AGO4: variants seen among roughly 807,000 people sequenced by gnomAD.
The protein encoded by AGO4 is protein argonaute-4.
A neutral mutation model predicts 104.7 loss-of-function variants in AGO4; 33 were observed. The observed-to-expected ratio is 0.32, with a 90% CI of 0.24 to 0.42. The LOEUF is 0.42. AGO4 is among the 10% of genes least tolerant of loss of function. The pLI is 1.00. For missense variants in AGO4, 711 were observed against 1,083.4 expected, an observed-to-expected ratio of 0.66 and a Z score of 4.83; for synonymous variants, 331 against 364.7, an observed-to-expected ratio of 0.91 and a Z score of 1.05.
rs1571306925 is a variant in AGO4 at position 35,845,220 on chromosome 1, A to G, written c.2175+3470A>G. ...ACTTTTTTTTTTTTTTTTGAAATGG[A>G]GTTTCTGTAATCAGGCTTTTTTTTT... On this transcript the variant is annotated intron_variant, in intron 15 of 17. Coordinates refer to ENST00000373210, the MANE Select transcript of AGO4 (RefSeq NM_017629.4). Among the ~76,000 whole-genome samples the G allele has an allele frequency of 3.2e-4, 18 of 56,090 alleles. 1 individual carries two copies. Among genetic ancestry groups the G allele is most frequent in the Non-Finnish European group, 5.1e-4 (15 of 29,476 alleles). 36.8% of individuals were successfully genotyped at this position (56,090 alleles called of 152,430 possible). A position where few individuals can be genotyped will look rare whatever the true frequency, so the allele number is the denominator to read the frequency against.
In AGO4 at chr1:35,837,986, G is replaced by A. The variant is rs1483217475; in HGVS notation, c.1724+1993G>A. ...CAGCCTCAATCTCCCCAGCTCAAGC[G>A]ATTCTCCCGCTTTAGTCTCCTGAGT... On this transcript the variant is annotated intron_variant, in intron 13 of 17. Transcript: ENST00000373210. 4.6e-5 allele frequency among the ~76,000 whole-genome samples: 7 copies of A among 151,570 alleles called. No individual in the cohort carries two copies. In the South Asian group the frequency reaches 1.0e-3, roughly 23 times the overall value.
chr1:35,820,219 G>C (rs1643863798), intron 2 of AGO4, among the ~76,000 whole-genome samples: 2 of 152,138 alleles, frequency 1.3e-5, no homozygotes, highest in African/African-American at 4.8e-5. Flanking sequence ...TAGAGAAAAA[G>C]CCTTACTTGA....
Position 35,844,323 on chromosome 1 carries a change from C to T in AGO4, c.2175+2573C>T, listed in dbSNP as rs561193951. 3.9e-5 allele frequency among the ~76,000 whole-genome samples: 6 copies of T among 152,238 alleles called. No homozygotes were observed. In the East Asian group the frequency reaches 5.8e-4, roughly 15 times the overall value. ...CCTCTCAAAGTTCTAGGATTACAGG[C>T]GTGAGCCACCACACCTGTCCAAAAG... On this transcript the variant is annotated intron_variant, in intron 15 of 17. Transcript: ENST00000373210.
chr1:35,821,009 C>T (rs537727686), intron 2 of AGO4, among the ~76,000 whole-genome samples: 5 of 152,250 alleles, frequency 3.3e-5, no homozygotes, highest in African/African-American at 1.2e-4. Context: ...TGCAGTTCTG[C>T]CACTTAATCA....
Position 35,841,963 on chromosome 1 carries a change from T to C in AGO4, c.2175+213T>C, listed in dbSNP as rs1187760176. 6.6e-6 allele frequency among the ~76,000 whole-genome samples: 1 copy of C among 152,060 alleles called. No individual in the cohort carries two copies. The highest frequency in any genetic ancestry group is 2.4e-5 in the African/African-American group (1 of 41,398). On this transcript the variant is annotated intron_variant, in intron 15 of 17. Coordinates refer to ENST00000373210, the MANE Select transcript of AGO4 (RefSeq NM_017629.4). This position sits in a 1 kb window ranked among gnomAD's most constrained non-coding sequence, Gnocchi z 4.7. The stretch of plus-strand genomic sequence containing the variant: ...GAGACTGAATATTTTATTTCTCTTG[T>C]ATAACAGAAATGCTGATTTCTCGAG...
intron 15 of AGO4, among the ~76,000 whole-genome samples, chr1:35,844,774 A>G (rs1360043595): frequency 6.6e-6 from 1 of 152,150 alleles, no homozygotes; most frequent in African/African-American, 2.4e-5. Flanking sequence ...TTCTCGCCCT[A>G]TAAAGGTGGT....
chr1:35,838,782 T>C (rs1644373355), intron 13 of AGO4, among the ~76,000 whole-genome samples: 1 of 152,198 alleles, frequency 6.6e-6, no homozygotes, highest in Non-Finnish European at 1.5e-5. Context: ...CCTTGTTAAC[T>C]TGAAAGTGTT....
intron 7 of AGO4, among the ~76,000 whole-genome samples, chr1:35,827,381 C>T (rs1644050221): frequency 6.6e-6 from 1 of 151,992 alleles, no homozygotes; most frequent in Admixed American, 6.6e-5. Context: ...ATTAGCCAGG[C>T]TTAGTGGCAG....
Position 35,826,823 on chromosome 1 carries a change from C to T in AGO4, c.836C>T (p.Ala279Val), listed in dbSNP as rs1272943728. 1.2e-6 allele frequency: 2 copies of T among 1,614,002 alleles called. No individual in the cohort carries two copies. The highest frequency in any genetic ancestry group is 3.3e-5 in the Admixed American group (2 of 59,994). The change falls in exon 7 of 18, where the codon GCC becomes GTC. Residue 279 changes from alanine to valine, a missense_variant. Ala to Val is a moderately conservative substitution (Grantham distance 64). Coordinates refer to ENST00000373210, the MANE Select transcript of AGO4 (RefSeq NM_017629.4). ...GTTTGTAATGTGACTAGACGGCCAG[C>T]CAGTCATCAAACGTATGTTAACCAC... ...YRVCNVTRRP[A>V]SHQTFPLQLE...
intron 13 of AGO4, among the ~76,000 whole-genome samples, chr1:35,837,621 C>T (rs1258635967): frequency 6.6e-6 from 1 of 152,166 alleles, no homozygotes; most frequent in East Asian, 1.9e-4. Flanking sequence ...CTCAAACAGT[C>T]CTCCTGGCTC....
chr1:35,831,305 T>A, intron 7 of AGO4, 122 bp from the exon 8 acceptor site: 1 of 1,036,720 alleles, frequency 9.6e-7, no homozygotes, highest in Non-Finnish European at 1.3e-6. Flanking sequence ...GAGGTTGAGA[T>A]CACGCCATGC....
Position 35,833,971 on chromosome 1 carries a change from A to G in AGO4, c.1380-19A>G, listed in dbSNP as rs374217102. 3 of 1,460,328 alleles carry G rather than the reference A, an allele frequency of 2.1e-6. No individual in the cohort carries two copies. Among genetic ancestry groups the G allele is most frequent in the South Asian group, 1.5e-5 (1 of 64,638 alleles). The allele number at this position is 1,460,328 out of a possible 1,614,324, so 90.5% of individuals were successfully genotyped here. On this transcript the variant is annotated intron_variant, in intron 11 of 17. Transcript: ENST00000373210. ...ACTCTGAAATGAAAAAAACCGTGTT[A>G]CTGGTTCTATTTTAACAGGAGTTTC...
intron 1 of AGO4, among the ~76,000 whole-genome samples, chr1:35,815,870 G>A (rs1453755178): frequency 6.6e-6 from 1 of 152,156 alleles, no homozygotes; most frequent in Non-Finnish European, 1.5e-5. Context: ...ATTTGCCCCG[G>A]GTTGAGAACC....
chr1:35,816,822 GAA>G, intron 1 of AGO4, 58 bp from the exon 2 acceptor site: 1 of 1,177,436 alleles, frequency 8.5e-7, no homozygotes, highest in South Asian at 2.0e-5. Flanking sequence ...AAAAAAAAAA[GAA>G]AGAAAGAAAG....
chr1:35,833,938 A>G lies in AGO4; in HGVS notation c.1380-52A>G, dbSNP rs1644244731. 6 of 1,319,288 alleles carry G rather than the reference A, an allele frequency of 4.5e-6. No homozygotes were observed. In the Admixed American group the frequency reaches 1.4e-4, roughly 31 times the overall value. 81.7% of individuals were successfully genotyped at this position (1,319,288 alleles called of 1,614,324 possible). On this transcript the variant is annotated intron_variant, in intron 11 of 17. Transcript: ENST00000373210. ...AGTATTTCAGAGGAAAATGAATGCT[A>G]GAAATGTACTCTGAAATGAAAAAAA...
At chr1:35,832,905 A>G (rs987523679) in intron 11 of AGO4, among the ~76,000 whole-genome samples, 1 of 152,232 alleles carries the variant, frequency 6.6e-6, no homozygotes, top group African/African-American at 2.4e-5. Context: ...TTTAATCGTT[A>G]TAATTTACTA....
intron 1 of AGO4, among the ~76,000 whole-genome samples, chr1:35,809,215 G>C (rs1054723665): frequency 1.2e-4 from 19 of 152,166 alleles, no homozygotes; most frequent in Non-Finnish European, 2.2e-4. Flanking sequence ...ATGGCCTCTG[G>C]TTATTTCTCT....
At chr1:35,853,458 T>C (rs746989728) in intron 17 of AGO4, 39 bp from the exon 18 acceptor site, 27 of 1,546,134 alleles carry the variant, frequency 1.7e-5, no homozygotes, top group Non-Finnish European at 2.4e-5. Context: ...TTTGTTTGTT[T>C]GTTTTGCTTT....
chr1:35,809,403 G>T (rs368527825), intron 1 of AGO4, among the ~76,000 whole-genome samples: 1 of 152,156 alleles, frequency 6.6e-6, no homozygotes, highest in East Asian at 1.9e-4. Context: ...GAACTTAGTC[G>T]TAGAGTGTTT....
Sources: allele counts gnomAD v4.1 joint callset (sites outside exome capture counted in the v4.1 genomes callset), GRCh38; gene constraint gnomAD v4.1.1; non-coding constraint Gnocchi (gnomAD v3.1); transcripts MANE v1.5; gene names NCBI Gene and HGNC (gene_info 2026-07-23, HGNC 2026-07-21).